LUZP2: variants seen among roughly 807,000 people sequenced by gnomAD.
LUZP2 encodes leucine zipper protein 2.
Under a neutral mutation model 51.6 loss-of-function variants are expected in LUZP2, and 52 were observed. The ratio of observed to expected loss-of-function variants is 1.01; its 90% CI spans 0.81 to 1.27. The LOEUF (loss-of-function observed/expected upper bound fraction) is 1.27, where lower values mean the gene tolerates loss of function less well. Among genes scored for constraint, LUZP2 ranks in the 50% most tolerant of loss-of-function variants. The pLI, the probability that LUZP2 is intolerant of heterozygous loss-of-function variation, is 0.00. For missense variants in LUZP2, 436 were observed against 395.4 expected (o/e 1.10, Z -0.87); for synonymous variants, 154 against 137.3 (o/e 1.12, Z -0.85).
intron 1 of LUZP2, among the ~76,000 whole-genome samples, chr11:24,667,226 C>T (rs914363487): frequency 4.8e-5 from 7 of 146,890 alleles, no homozygotes; most frequent in Non-Finnish European, 8.9e-5. Context: ...CTATGTCACA[C>T]AGGCTGGAGT....
chr11:24,600,511 A>T (rs1853592892), intron 1 of LUZP2, among the ~76,000 whole-genome samples: 1 of 152,128 alleles, frequency 6.6e-6, no homozygotes. Flanking sequence ...TTTCGCTGCC[A>T]TTTCTGGTTA....
intron 5 of LUZP2, among the ~76,000 whole-genome samples, chr11:24,796,388 T>C (rs1405091299): frequency 6.6e-6 from 1 of 152,126 alleles, no homozygotes; most frequent in Non-Finnish European, 1.5e-5. Flanking sequence ...TGTAACGTTA[T>C]TATTAACCAC....
rs564219244 is a variant in LUZP2, at chr11:24,960,728, C to T, written c.523-15863C>T. On this transcript the variant is annotated intron_variant, in intron 7 of 11. Transcript: ENST00000336930. ...GGATTCATTAATTTTTTGAAGGGTC[C>T]TTTGTGTCTCTATTTCCTTCAGTTC... Among the ~76,000 whole-genome samples, 321 of 151,878 alleles carry T rather than the reference C, an allele frequency of 2.1e-3. 1 individual carries two copies. The highest frequency in any genetic ancestry group is 6.2e-3 in the African/African-American group (258 of 41,402).
At position 24,791,335 on chromosome 11, in the gene LUZP2, G is replaced by A. The variant is rs4923209; in HGVS notation, c.396+28027G>A. Among the ~76,000 whole-genome samples, 417 of 152,082 alleles carry A rather than the reference G, an allele frequency of 2.7e-3. 9 individuals carry two copies. The highest frequency in any genetic ancestry group is 0.023 in the Admixed American group (344 of 15,274). The stretch of plus-strand genomic sequence containing the variant: ...AATCTGAGCTATGTATTTGAATATC[G>A]TATTTTCAACAATTTTTCCCATTAT... On this transcript the variant is annotated intron_variant, in intron 5 of 11. Transcript: ENST00000336930.
chr11:24,724,677 T>A (rs1858407080), intron 1 of LUZP2, among the ~76,000 whole-genome samples: 1 of 152,188 alleles, frequency 6.6e-6, no homozygotes, highest in Non-Finnish European at 1.5e-5. Context: ...TTAGGCAACA[T>A]GATTAATAAA....
At chr11:24,559,767 A>T (rs1416168833) in intron 1 of LUZP2, among the ~76,000 whole-genome samples, 1 of 152,208 alleles carries the variant, frequency 6.6e-6, no homozygotes, top group African/African-American at 2.4e-5. Flanking sequence ...ATGATAGTTG[A>T]ATTTAGTGTG....
intron 8 of LUZP2, among the ~76,000 whole-genome samples, chr11:24,977,814 G>A (rs1264726536): frequency 6.6e-6 from 1 of 150,864 alleles, no homozygotes; most frequent in African/African-American, 2.4e-5. Flanking sequence ...TCAAAATTTT[G>A]CTTTTAACAC....
At chr11:24,962,152 C>G (rs895004950) in intron 7 of LUZP2, among the ~76,000 whole-genome samples, 4 of 151,998 alleles carry the variant, frequency 2.6e-5, no homozygotes, top group Non-Finnish European at 4.4e-5. Flanking sequence ...TGTGGGTAAC[C>G]CAACCTTTCT....
intron 1 of LUZP2, among the ~76,000 whole-genome samples, chr11:24,619,275 C>A (rs1854410671): frequency 6.6e-6 from 1 of 152,096 alleles, no homozygotes; most frequent in Admixed American, 6.6e-5. Flanking sequence ...TTCACGCAAT[C>A]CTCCTGCCTC....
At chr11:24,674,085 A>G (rs1343939190) in intron 1 of LUZP2, among the ~76,000 whole-genome samples, 1 of 152,190 alleles carries the variant, frequency 6.6e-6, no homozygotes, top group Non-Finnish European at 1.5e-5. Context: ...ACTGCCATTT[A>G]TCATTAACTT....
intron 5 of LUZP2, among the ~76,000 whole-genome samples, chr11:24,822,884 C>T (rs1195347045): frequency 6.6e-6 from 1 of 152,222 alleles, no homozygotes; most frequent in South Asian, 2.1e-4. Flanking sequence ...AAAATTTACA[C>T]CACAAAATTC....
At chr11:24,785,860 T>A (rs1178416522) in intron 5 of LUZP2, 1 of 985,154 alleles carries the variant, frequency 1.0e-6, no homozygotes, top group Admixed American at 6.2e-5. Flanking sequence ...TCTGGGAAAT[T>A]GCTCTGTTTC....
intron 7 of LUZP2, among the ~76,000 whole-genome samples, chr11:24,959,643 G>A (rs1233159925): frequency 6.6e-6 from 1 of 152,190 alleles, no homozygotes; most frequent in East Asian, 1.9e-4. Flanking sequence ...AACTTAAGGA[G>A]ATTTTGGGCT....
chr11:24,780,336 C>T (rs913298553), intron 5 of LUZP2, among the ~76,000 whole-genome samples: 4 of 152,078 alleles, frequency 2.6e-5, no homozygotes, highest in African/African-American at 9.7e-5. Flanking sequence ...ATTTATCACA[C>T]TACTTCTGAG....
intron 7 of LUZP2, among the ~76,000 whole-genome samples, chr11:24,934,264 C>T (rs1175232297): frequency 1.3e-5 from 2 of 152,136 alleles, no homozygotes; most frequent in Non-Finnish European, 2.9e-5. Context: ...AGCTTGGGCT[C>T]GGAGGCCTGA....
At chr11:24,870,437 G>C (rs1043847239) in intron 5 of LUZP2, among the ~76,000 whole-genome samples, 1 of 151,052 alleles carries the variant, frequency 6.6e-6, no homozygotes, top group Non-Finnish European at 1.5e-5. Context: ...CAGTTATTCT[G>C]TATCTATTGA....
chr11:24,842,388 G>A (rs993253345), intron 5 of LUZP2, among the ~76,000 whole-genome samples: 31 of 151,620 alleles, frequency 2.0e-4, no homozygotes, highest in African/African-American at 7.3e-4. Context: ...GATTTATGAA[G>A]CAAAACAGCT....
intron 9 of LUZP2, among the ~76,000 whole-genome samples, chr11:25,026,197 T>C (rs1857487296): frequency 6.6e-6 from 1 of 151,758 alleles, no homozygotes; most frequent in Non-Finnish European, 1.5e-5. Flanking sequence ...ATGTACATAA[T>C]GAGTTAATGG....
At chr11:24,933,155 T>C (rs2133837186) in intron 7 of LUZP2, among the ~76,000 whole-genome samples, 1 of 152,354 alleles carries the variant, frequency 6.6e-6, no homozygotes. Context: ...ACACTTTCGG[T>C]GCTCAGAGTT....
Sources: gnomAD v4.1 joint callset for allele counts (sites outside exome capture counted in the v4.1 genomes callset) on GRCh38, gnomAD v4.1.1 for gene constraint, MANE v1.5 for transcripts, NCBI Gene and HGNC (gene_info 2026-07-23, HGNC 2026-07-21) for gene names.